Variants in THSD4 observed in about 807,000 individuals in gnomAD.
The protein encoded by THSD4 is thrombospondin type-1 domain-containing protein 4.
Under a neutral mutation model 119.0 loss-of-function variants are expected in THSD4, and 69 were observed. The observed-to-expected ratio is 0.58, with a 90% CI of 0.48 to 0.71. The LOEUF is 0.71. Ranked by LOEUF, THSD4 falls within the 30% of genes least tolerant of loss-of-function variation. THSD4 has a pLI of 0.00. For missense variants in THSD4, 1,393 were observed against 1,391.1 expected (o/e 1.00, Z -0.02); for synonymous variants, 524 against 540.4 (o/e 0.97, Z 0.42).
rs75796059 is a variant in THSD4, at chr15:71,485,475, G to A, written c.1152+73652G>A. Among the ~76,000 whole-genome samples the A allele has an allele frequency of 5.3e-4, 80 of 152,290 alleles. No homozygotes were observed. The East Asian group carries it at 0.014, about 26-fold the overall frequency. On this transcript the variant is annotated intron_variant, in intron 7 of 17. Coordinates refer to ENST00000261862, the MANE Select transcript of THSD4 (RefSeq NM_024817.3). ...ATTATTGTGGTTCAGTGGTAGAAGA[G>A]GAACTTATTACAAATTCAACTTTGA...
At chr15:71,561,043 C>G (rs887022690) in intron 7 of THSD4, among the ~76,000 whole-genome samples, 2 of 149,056 alleles carry the variant, frequency 1.3e-5, no homozygotes, top group Non-Finnish European at 3.0e-5. Context: ...GGCACAATCT[C>G]GGCTCACTGC....
rs1378613299 is a variant in THSD4, at chr15:71,442,618, GTA to G, written c.1152+30805_1152+30806del. Among the ~76,000 whole-genome samples the G allele has an allele frequency of 3.8e-3, 203 of 53,456 alleles. 21 individuals are homozygous for G. Among genetic ancestry groups the G allele is most frequent in the African/African-American group, 0.011 (180 of 16,842 alleles). 35.1% of individuals were successfully genotyped at this position (53,456 alleles called of 152,430 possible). A position where few individuals can be genotyped will look rare whatever the true frequency, so the allele number is the denominator to read the frequency against. Reference sequence around the variant, plus strand: ...TATATATATGTGTGTGTGTGTGTGTGTATATATATATGTATGTGTGTGTATAT... The same window carrying G: ...TATATATATGTGTGTGTGTGTGTGTGTATATATATGTATGTGTGTGTATAT... On this transcript the variant is annotated intron_variant, in intron 7 of 17. Coordinates refer to ENST00000261862, the MANE Select transcript of THSD4 (RefSeq NM_024817.3).
chr15:71,597,314 G>A (rs183588938), intron 7 of THSD4, among the ~76,000 whole-genome samples: 5 of 152,230 alleles, frequency 3.3e-5, no homozygotes, highest in East Asian at 3.9e-4. Context: ...CAATTGATAT[G>A]TATTATACCT....
At chr15:71,133,247 T>C (rs1279084194) in intron 1 of THSD4, among the ~76,000 whole-genome samples, 1 of 152,110 alleles carries the variant, frequency 6.6e-6, no homozygotes, top group Non-Finnish European at 1.5e-5. Context: ...TGTGTTGTGG[T>C]CTTTAGGAGT....
chr15:71,519,520 C>T (rs531967902), intron 7 of THSD4, among the ~76,000 whole-genome samples: 1 of 152,112 alleles, frequency 6.6e-6, no homozygotes, highest in Non-Finnish European at 1.5e-5. Context: ...CACCACCACA[C>T]CTAGCTAATT....
intron 7 of THSD4, among the ~76,000 whole-genome samples, chr15:71,576,117 A>G (rs907885638): frequency 6.6e-6 from 1 of 152,192 alleles, no homozygotes; most frequent in Non-Finnish European, 1.5e-5. Flanking sequence ...AAAAAAAAAA[A>G]AATTGTTCTC....
chr15:71,303,798 C>A (rs2044985148), intron 6 of THSD4, among the ~76,000 whole-genome samples: 1 of 152,156 alleles, frequency 6.6e-6, no homozygotes, highest in African/African-American at 2.4e-5. Context: ...ACCTCAGGAA[C>A]ACCACCAGAC....
chr15:71,654,592 A>T (rs967943997), intron 7 of THSD4, among the ~76,000 whole-genome samples: 1 of 152,322 alleles, frequency 6.6e-6, no homozygotes, highest in Admixed American at 6.5e-5. Flanking sequence ...ATTGATCTAC[A>T]TGCCTAACAG....
chr15:71,693,549 G>A (rs2052099185), intron 8 of THSD4, among the ~76,000 whole-genome samples: 1 of 152,134 alleles, frequency 6.6e-6, no homozygotes, highest in African/African-American at 2.4e-5. Flanking sequence ...TGGAGGCTGA[G>A]GTGAGAGGAT....
chr15:71,186,179 A>G (rs1162872463), intron 3 of THSD4: 2 of 152,310 alleles, frequency 1.3e-5, no homozygotes, highest in African/African-American at 4.8e-5. Context: ...GTAAGATGCA[A>G]TGGGGGGAAA....
At chr15:71,482,504 ATGG>A (rs1316216844) in intron 7 of THSD4, among the ~76,000 whole-genome samples, 14 of 151,820 alleles carry the variant, frequency 9.2e-5, no homozygotes, top group African/African-American at 3.4e-4. Context: ...GTTAGCCAGG[ATGG>A]TCTTGATATC....
At chr15:71,239,113 T>G (rs2140271425) in intron 4 of THSD4, among the ~76,000 whole-genome samples, 1 of 152,276 alleles carries the variant, frequency 6.6e-6, no homozygotes, top group East Asian at 1.9e-4. Context: ...ACTTGTATGA[T>G]GCATACTCTG....
At chr15:71,295,675 C>A (rs887662047) in intron 6 of THSD4, among the ~76,000 whole-genome samples, 35 of 150,192 alleles carry the variant, frequency 2.3e-4, no homozygotes, top group African/African-American at 8.6e-4. Context: ...CACCTGGGGA[C>A]ATTTTCTTTA....
intron 6 of THSD4, among the ~76,000 whole-genome samples, chr15:71,257,570 T>C (rs1298168415): frequency 6.6e-6 from 1 of 152,072 alleles, no homozygotes; most frequent in Non-Finnish European, 1.5e-5. Flanking sequence ...CACTGCACAA[T>C]GTGCAGGATC....
intron 7 of THSD4, among the ~76,000 whole-genome samples, chr15:71,656,193 TAAC>T (rs2051187907): frequency 6.6e-6 from 1 of 152,164 alleles, no homozygotes; most frequent in African/African-American, 2.4e-5. Flanking sequence ...ATCTAAAAGA[TAAC>T]AAATACAAAC....
chr15:71,294,293 A>T (rs1426083694), intron 6 of THSD4, among the ~76,000 whole-genome samples: 2 of 152,178 alleles, frequency 1.3e-5, no homozygotes, highest in Non-Finnish European at 2.9e-5. Context: ...TAGCTCAGTT[A>T]CCAGGAGTCC....
chr15:71,704,161 A>C (rs923436488), intron 8 of THSD4, among the ~76,000 whole-genome samples: 1 of 152,186 alleles, frequency 6.6e-6, no homozygotes, highest in Non-Finnish European at 1.5e-5. Context: ...AAAACTCTAC[A>C]AAGTTTTTAA....
intron 7 of THSD4, among the ~76,000 whole-genome samples, chr15:71,494,737 C>T (rs1009184013): frequency 6.6e-6 from 1 of 152,162 alleles, no homozygotes; most frequent in Non-Finnish European, 1.5e-5. Context: ...GAATTATTTT[C>T]GGCTCTTGAT....
intron 7 of THSD4, among the ~76,000 whole-genome samples, chr15:71,519,317 C>A (rs758308505): frequency 1.3e-5 from 2 of 152,142 alleles, no homozygotes; most frequent in East Asian, 3.9e-4. Context: ...TAATGGGACA[C>A]CACAGGGTTC....
Sources: allele counts gnomAD v4.1 joint callset (sites outside exome capture counted in the v4.1 genomes callset), GRCh38; gene constraint gnomAD v4.1.1; transcripts MANE v1.5; gene names NCBI Gene and HGNC (gene_info 2026-07-23, HGNC 2026-07-21).